Variants in PPP2R2B observed in about 807,000 individuals in gnomAD.
PPP2R2B encodes serine/threonine-protein phosphatase 2A 55 kDa regulatory subunit B beta isoform.
In PPP2R2B, 5 loss-of-function variants were observed where a neutral mutation model predicts 46.0. That is an observed-to-expected ratio of 0.11 (90% CI 0.06 to 0.23). The LOEUF (loss-of-function observed/expected upper bound fraction) is 0.23, where lower values mean the gene tolerates loss of function less well. Ranked by LOEUF, PPP2R2B falls within the 10% of genes least tolerant of loss-of-function variation. The pLI is 1.00. For missense variants in PPP2R2B, 367 were observed against 575.0 expected, an observed-to-expected ratio of 0.64 and a Z score of 3.70; for synonymous variants, 215 against 206.7, an observed-to-expected ratio of 1.04 and a Z score of -0.34.
intron 5 of PPP2R2B, among the ~76,000 whole-genome samples, chr5:146,681,437 A>G (rs2151137393): frequency 6.6e-6 from 1 of 152,190 alleles, no homozygotes; most frequent in East Asian, 1.9e-4. Flanking sequence ...CCGGAGACAC[A>G]CCCATTGCTC....
intron 1 of PPP2R2B, among the ~76,000 whole-genome samples, chr5:146,884,900 T>C (rs1215694431): frequency 6.6e-6 from 1 of 152,120 alleles, no homozygotes. Context: ...CTTTAAAAAA[T>C]ATACCAAGAA....
At chr5:146,926,810 C>T (rs1763796983) in intron 1 of PPP2R2B, among the ~76,000 whole-genome samples, 1 of 152,146 alleles carries the variant, frequency 6.6e-6, no homozygotes, top group Non-Finnish European at 1.5e-5. Flanking sequence ...ATATAAAGGG[C>T]TTCTGTCTCT....
At chr5:146,784,527 A>G (rs1387279014) in intron 2 of PPP2R2B, among the ~76,000 whole-genome samples, 1 of 152,172 alleles carries the variant, frequency 6.6e-6, no homozygotes, top group Non-Finnish European at 1.5e-5. Flanking sequence ...TAAATATCAT[A>G]CCTTCTCGTA....
intron 5 of PPP2R2B, among the ~76,000 whole-genome samples, chr5:146,670,476 A>ATTTATTTAT (rs1777273136): frequency 6.9e-6 from 1 of 144,184 alleles, no homozygotes; most frequent in East Asian, 2.0e-4. Flanking sequence ...TATGTGTACT[A>ATTTATTTAT]TTATTTATTT....
At chr5:146,750,493 G>A (rs751575880) in intron 2 of PPP2R2B, among the ~76,000 whole-genome samples, 2 of 152,142 alleles carry the variant, frequency 1.3e-5, no homozygotes, top group African/African-American at 2.4e-5. Flanking sequence ...AAAAGAGGCC[G>A]CATGTATCAG....
chr5:146,982,647 A>C (rs1436786698), intron 1 of PPP2R2B, among the ~76,000 whole-genome samples: 1 of 152,204 alleles, frequency 6.6e-6, no homozygotes, highest in Non-Finnish European at 1.5e-5. Flanking sequence ...GTCTCCAACT[A>C]TAATTATAGA....
At chr5:146,780,133 T>C (rs192651428) in intron 2 of PPP2R2B, among the ~76,000 whole-genome samples, 5 of 152,262 alleles carry the variant, frequency 3.3e-5, no homozygotes, top group Admixed American at 3.3e-4. Context: ...TTTGGACCTA[T>C]TATGTGGCCA....
chr5:147,039,075 G>A (rs995366436), intron 1 of PPP2R2B, among the ~76,000 whole-genome samples: 7 of 152,050 alleles, frequency 4.6e-5, no homozygotes, highest in Admixed American at 3.3e-4. Flanking sequence ...AGTCCTCTGT[G>A]CTTGCAGGTC....
rs369162685 is a variant in PPP2R2B at position 147,078,087 on chromosome 5, T to A, written c.50+2972A>T. On this transcript the variant is annotated intron_variant, in intron 2 of 10. Transcript: ENST00000394413. Reference sequence around the variant, plus strand: ...AGTGCCTTTGGCAATGTACTTAATATTTTTTGTTTGTTTGCTTGACTTCAA... The same window carrying A: ...AGTGCCTTTGGCAATGTACTTAATAATTTTTGTTTGTTTGCTTGACTTCAA... Among the ~76,000 whole-genome samples the A allele has an allele frequency of 7.5e-4, 115 of 152,328 alleles. 3 individuals are homozygous for A. In the South Asian group the frequency reaches 0.023, roughly 31 times the overall value.
intron 2 of PPP2R2B, among the ~76,000 whole-genome samples, chr5:146,848,903 A>G (rs1172034309): frequency 1.3e-5 from 2 of 152,184 alleles, no homozygotes; most frequent in African/African-American, 4.8e-5. Flanking sequence ...ATTTATGCAT[A>G]TTGATTTTAT....
intron 5 of PPP2R2B, among the ~76,000 whole-genome samples, chr5:146,677,739 G>C (rs1441466079): frequency 6.6e-6 from 1 of 151,936 alleles, no homozygotes; most frequent in Non-Finnish European, 1.5e-5. Flanking sequence ...TGTTGCCCAG[G>C]CTAGTCTTGA....
intron 7 of PPP2R2B, among the ~76,000 whole-genome samples, chr5:146,603,168 C>CCAT (rs1215745701): frequency 1.3e-5 from 2 of 152,122 alleles, no homozygotes; most frequent in Non-Finnish European, 2.9e-5. Context: ...TCAGTATATG[C>CCAT]CATCACTATT....
At chr5:146,906,510 C>CG (rs1421863610) in intron 1 of PPP2R2B, among the ~76,000 whole-genome samples, 10 of 152,090 alleles carry the variant, frequency 6.6e-5, no homozygotes, top group African/African-American at 2.4e-4. Context: ...TTAGTAGAGA[C>CG]GGGGTTTCTA....
intron 2 of PPP2R2B, chr5:146,707,573 T>C: frequency 1.4e-6 from 1 of 704,720 alleles, no homozygotes; most frequent in Non-Finnish European, 2.6e-6. Flanking sequence ...GGACACCTTG[T>C]AGGACTTCTG....
chr5:146,622,661 C>G (rs1050434746), intron 7 of PPP2R2B, among the ~76,000 whole-genome samples: 4 of 152,188 alleles, frequency 2.6e-5, no homozygotes, highest in Non-Finnish European at 5.9e-5. Context: ...ATTCCAGGCT[C>G]TGCTCCCTCT....
intron 2 of PPP2R2B, among the ~76,000 whole-genome samples, chr5:146,730,401 G>A (rs1244832314): frequency 3.3e-5 from 5 of 152,162 alleles, no homozygotes; most frequent in African/African-American, 1.2e-4. Flanking sequence ...GCTGAAATGA[G>A]TTAAGACTTT....
chr5:147,056,535 G>T (rs184889756), upstream of PPP2R2B, among the ~76,000 whole-genome samples: 6 of 152,230 alleles, frequency 3.9e-5, no homozygotes, highest in African/African-American at 1.4e-4. Flanking sequence ...CACAACGCAA[G>T]AATAGAGACT....
chr5:146,656,592 T>A (rs1229536732), intron 5 of PPP2R2B: 1 of 152,086 alleles, frequency 6.6e-6, no homozygotes, highest in Non-Finnish European at 1.5e-5. Flanking sequence ...AGTGTGGACA[T>A]CCTAACAGCA....
In PPP2R2B at chr5:146,907,410, C is replaced by T. The variant is rs77696391; in HGVS notation, c.79+148255G>A. 6.9e-4 allele frequency among the ~76,000 whole-genome samples: 105 copies of T among 152,258 alleles called. No homozygotes were observed. The East Asian group carries it at 0.02, about 28-fold the overall frequency. The stretch of plus-strand genomic sequence containing the variant: ...GAATGTGTTCCCATATGAGCGTTCC[C>T]AAAGTTCAGCTTATATTCCTATTAT... On this transcript the variant is annotated intron_variant, in intron 1 of 8. Coordinates refer to the PPP2R2B transcript ENST00000336640.
Sources: allele counts gnomAD v4.1 joint callset (sites outside exome capture counted in the v4.1 genomes callset), GRCh38; gene constraint gnomAD v4.1.1; transcripts MANE v1.5; gene names NCBI Gene and HGNC (gene_info 2026-07-23, HGNC 2026-07-21).